Variants in NCAM1 observed in about 807,000 individuals in gnomAD.
NCAM1 encodes antigen recognized by monoclonal antibody 5.1H11.
NCAM1 carries 14 observed loss-of-function variants against 109.8 expected under a neutral mutation model. That is an observed-to-expected ratio of 0.13 (90% confidence interval 0.08 to 0.20). The LOEUF is 0.20. NCAM1 is among the 10% of genes least tolerant of loss of function. The pLI is 1.00. For missense variants in NCAM1, 774 were observed against 1,109.9 expected (o/e 0.70, Z 4.30); for synonymous variants, 418 against 442.9 (o/e 0.94, Z 0.70).
Position 113,024,377 on chromosome 11 carries a change from C to G in NCAM1, c.52+62713C>G, listed in dbSNP as rs115745252. Among the ~76,000 whole-genome samples, 1,112 of 152,262 alleles carry G rather than the reference C, an allele frequency of 7.3e-3. 10 individuals carry two copies. The highest frequency in any genetic ancestry group is 0.025 in the African/African-American group (1,022 of 41,556). On this transcript the variant is annotated intron_variant, in intron 1 of 19. Transcript: ENST00000316851. ...TTTTATATTTTAGGTATTTTTTACTCTCTCATTTACTATTCACCCATTTTT... is the reference window on the plus strand; with the variant it reads ...TTTTATATTTTAGGTATTTTTTACTGTCTCATTTACTATTCACCCATTTTT...
chr11:113,052,360 A>G (rs1023276150), intron 1 of NCAM1, among the ~76,000 whole-genome samples: 1 of 152,200 alleles, frequency 6.6e-6, no homozygotes, highest in Non-Finnish European at 1.5e-5. Context: ...CAGATTTGGT[A>G]TTTCTCAGAA....
chr11:113,125,766 T>C (rs1941148664), intron 1 of NCAM1, among the ~76,000 whole-genome samples: 1 of 152,326 alleles, frequency 6.6e-6, no homozygotes, highest in South Asian at 2.1e-4. Context: ...ATCTGTGGAA[T>C]CTGTGCAGCT....
At chr11:113,202,541 T>C in intron 2 of NCAM1, 88 bp downstream of exon 2, 1 of 1,180,312 alleles carries the variant, frequency 8.5e-7, no homozygotes, top group Non-Finnish European at 1.2e-6. Context: ...GTGAGCTGGC[T>C]GGTCAAGCCA....
chr11:113,210,032 A>T (rs1363921988), intron 7 of NCAM1, among the ~76,000 whole-genome samples: 9 of 152,152 alleles, frequency 5.9e-5, no homozygotes, highest in African/African-American at 2.2e-4. Context: ...TCACAGATAG[A>T]TCCCCAGCAC....
intron 17 of NCAM1, chr11:113,269,954 C>T: frequency 1.7e-6 from 1 of 574,688 alleles, no homozygotes; most frequent in African/African-American, 1.9e-5. Flanking sequence ...ACCAGGCTCA[C>T]CCCTGTTCCC....
At chr11:113,076,772 T>G (rs1407717822) in intron 1 of NCAM1, among the ~76,000 whole-genome samples, 1 of 152,222 alleles carries the variant, frequency 6.6e-6, no homozygotes, top group Non-Finnish European at 1.5e-5. Flanking sequence ...GAATAGAAAT[T>G]GATAAATTAT....
chr11:113,039,694 C>T (rs576600481), intron 1 of NCAM1, among the ~76,000 whole-genome samples: 51 of 152,208 alleles, frequency 3.4e-4, no homozygotes, highest in African/African-American at 1.1e-3. Context: ...AGGCTACTTC[C>T]CTCCAGGAGA....
intron 1 of NCAM1, among the ~76,000 whole-genome samples, chr11:113,009,312 GTTTTT>G (rs781818836): frequency 1.3e-5 from 1 of 79,656 alleles, no homozygotes; most frequent in Non-Finnish European, 2.4e-5. Context: ...GTTTTTTCGG[GTTTTT>G]TTTTTTTTTT....
At chr11:113,151,031 G>C (rs1282957899) in intron 1 of NCAM1, among the ~76,000 whole-genome samples, 1 of 152,148 alleles carries the variant, frequency 6.6e-6, no homozygotes, top group African/African-American at 2.4e-5. Flanking sequence ...GCAGGATATG[G>C]CCAGTGAGAC....
intron 1 of NCAM1, among the ~76,000 whole-genome samples, chr11:113,074,487 G>A (rs1170847753): frequency 2.0e-5 from 3 of 152,156 alleles, no homozygotes; most frequent in African/African-American, 7.2e-5. Context: ...AACAGTCTAA[G>A]ACAGCCCTGT....
At chr11:112,967,443 T>TAGATAACC (rs1950758219) in intron 1 of NCAM1, among the ~76,000 whole-genome samples, 1 of 152,184 alleles carries the variant, frequency 6.6e-6, no homozygotes. Context: ...TTAAGAGAGG[T>TAGATAACC]AGATAACCCT....
chr11:113,220,971 A>G (rs1361401628), intron 8 of NCAM1, among the ~76,000 whole-genome samples: 1 of 152,142 alleles, frequency 6.6e-6, no homozygotes, highest in Non-Finnish European at 1.5e-5. Flanking sequence ...ATGTCACCAA[A>G]TACTATGAGC....
At chr11:113,153,455 A>T (rs1014209627) in intron 1 of NCAM1, among the ~76,000 whole-genome samples, 1 of 127,320 alleles carries the variant, frequency 7.9e-6, no homozygotes, top group Non-Finnish European at 1.5e-5. Flanking sequence ...ACAGAGAGTG[A>T]GAGAGAGAGA....
intron 1 of NCAM1, among the ~76,000 whole-genome samples, chr11:112,994,224 G>A (rs535328892): frequency 3.9e-5 from 6 of 152,156 alleles, no homozygotes; most frequent in Admixed American, 6.5e-5. Flanking sequence ...TCTTTATTCT[G>A]TCCTGCTGAT....
intron 1 of NCAM1, among the ~76,000 whole-genome samples, chr11:113,040,521 T>G (rs1953038758): frequency 6.6e-6 from 1 of 152,234 alleles, no homozygotes; most frequent in Admixed American, 6.5e-5. Flanking sequence ...AATGGCTGTG[T>G]TCCAAAACTT....
At chr11:113,046,656 C>T (rs12277922) in intron 1 of NCAM1, among the ~76,000 whole-genome samples, 42,023 of 151,640 alleles carry the variant, frequency 0.28, 6,529 homozygotes, top group East Asian at 0.62. Context: ...ATAAACACAA[C>T]GATAGCTAGA....
intron 1 of NCAM1, among the ~76,000 whole-genome samples, chr11:112,970,742 T>C (rs1206694374): frequency 6.6e-6 from 1 of 152,208 alleles, no homozygotes; most frequent in Admixed American, 6.5e-5. Flanking sequence ...TTTTATGTAC[T>C]GCTAGAGGTG....
intron 8 of NCAM1, among the ~76,000 whole-genome samples, 168 bp downstream of exon 8, chr11:113,214,679 C>T (rs1193782391): frequency 6.6e-6 from 1 of 152,312 alleles, no homozygotes; most frequent in East Asian, 1.9e-4. Context: ...ATGGCCTGCT[C>T]ATCATCCCCT....
At chr11:113,104,009 G>A (rs1463040733) in intron 1 of NCAM1, among the ~76,000 whole-genome samples, 1 of 152,012 alleles carries the variant, frequency 6.6e-6, no homozygotes, top group Non-Finnish European at 1.5e-5. Flanking sequence ...AGATTCAGCT[G>A]GGAAACCCTG....
Sources: gnomAD v4.1 joint callset for allele counts (sites outside exome capture counted in the v4.1 genomes callset) on GRCh38, gnomAD v4.1.1 for gene constraint, MANE v1.5 for transcripts, NCBI Gene and HGNC (gene_info 2026-07-23, HGNC 2026-07-21) for gene names.